BAZ2B: variants seen among roughly 807,000 people sequenced by gnomAD.
BAZ2B encodes bromodomain adjacent to zinc finger domain 2B, also known as bromodomain adjacent to zinc finger domain protein 2B.
Under a neutral mutation model 246.0 loss-of-function variants are expected in BAZ2B, and 91 were observed. The observed-to-expected ratio is 0.37, with a 90% CI of 0.31 to 0.44. The LOEUF is 0.44. Ranked by LOEUF, BAZ2B falls within the 20% of genes least tolerant of loss-of-function variation. The probability of loss-of-function intolerance (pLI) is 1.00; values close to 1 mark genes in which losing one functional copy is unlikely to be tolerated. For synonymous variants in BAZ2B, 855 were observed against 860.0 expected, an observed-to-expected ratio of 0.99 and a Z score of 0.10; for missense variants, 2,332 against 2,533.7, an observed-to-expected ratio of 0.92 and a Z score of 1.71.
the BAZ2B span, among the ~76,000 whole-genome samples, chr2:159,702,999 G>A: frequency 6.6e-6 from 1 of 151,952 alleles, no homozygotes; most frequent in African/African-American, 2.4e-5. Context: ...AGCCGAGATT[G>A]CACCACTGCA....
intron 25 of BAZ2B, 136 bp downstream of exon 25, chr2:159,382,419 ATTTG>A (rs1344626261): frequency 7.9e-6 from 7 of 889,528 alleles, no homozygotes; most frequent in Non-Finnish European, 1.2e-5. Flanking sequence ...AGATTGTAAT[ATTTG>A]TTTTTCAGAT....
chr2:159,661,993 A>T, the BAZ2B span, among the ~76,000 whole-genome samples: 46 of 152,274 alleles, frequency 3.0e-4, no homozygotes, highest in African/African-American at 9.9e-4. Context: ...TGAGACAGGT[A>T]TTCCCTTATT....
intron 2 of BAZ2B, among the ~76,000 whole-genome samples, chr2:159,498,196 A>G (rs937404152): frequency 1.3e-5 from 2 of 152,210 alleles, no homozygotes; most frequent in African/African-American, 4.8e-5. Flanking sequence ...CCTGCCAGGT[A>G]TTTTGTTCTT....
At chr2:159,554,613 A>G (rs1024425120) in intron 2 of BAZ2B, among the ~76,000 whole-genome samples, 2 of 152,026 alleles carry the variant, frequency 1.3e-5, no homozygotes, top group Non-Finnish European at 2.9e-5. Flanking sequence ...AAAAAAAAAG[A>G]TTGAACATAA....
the BAZ2B span, among the ~76,000 whole-genome samples, chr2:159,673,833 G>T: frequency 3.3e-5 from 5 of 151,632 alleles, no homozygotes; most frequent in Non-Finnish European, 5.9e-5. Flanking sequence ...ACATATTTTC[G>T]CACACACACA....
chr2:159,615,823 G>C (rs1267430483), intron 1 of BAZ2B: 1 of 152,412 alleles, frequency 6.6e-6, no homozygotes, highest in Non-Finnish European at 1.5e-5. Context: ...CAGGGCGGCC[G>C]GCACAAAGGC....
At chr2:159,348,862 T>C (rs1173951101) in intron 29 of BAZ2B, 29 bp from the exon 30 acceptor site, 1 of 1,574,768 alleles carries the variant, frequency 6.4e-7, no homozygotes, top group Non-Finnish European at 8.6e-7. Context: ...GTAGAACTTT[T>C]ACAAATATTT....
intron 12 of BAZ2B, 120 bp from the exon 13 acceptor site, chr2:159,428,162 G>A (rs1020261756): frequency 4.5e-6 from 5 of 1,110,566 alleles, no homozygotes; most frequent in African/African-American, 3.1e-5. Flanking sequence ...TAAATTTATA[G>A]GAGATCAATT....
intron 3 of BAZ2B, among the ~76,000 whole-genome samples, chr2:159,454,566 G>C (rs2075496038): frequency 6.6e-6 from 1 of 152,148 alleles, no homozygotes; most frequent in African/African-American, 2.4e-5. Flanking sequence ...GAAAGGTACA[G>C]TAAAAATATG....
intron 21 of BAZ2B, among the ~76,000 whole-genome samples, chr2:159,388,262 T>C (rs1021067030): frequency 1.3e-5 from 2 of 152,166 alleles, no homozygotes; most frequent in Non-Finnish European, 1.5e-5. Context: ...AAATGCATTA[T>C]TGATATTTTT....
At chr2:159,645,534 G>A in the BAZ2B span, among the ~76,000 whole-genome samples, 1 of 152,152 alleles carries the variant, frequency 6.6e-6, no homozygotes, top group East Asian at 1.9e-4. Context: ...ACATTCCTCT[G>A]AGAATCTAAT....
At chr2:159,555,069 G>T (rs12479349) in intron 2 of BAZ2B, among the ~76,000 whole-genome samples, 48,485 of 138,642 alleles carry the variant, frequency 0.35, 12,439 homozygotes, top group Admixed American at 0.5. Context: ...GTATGTGGGG[G>T]GTGTGTGTGT....
Position 159,411,317 on chromosome 2 carries a change from T to C in BAZ2B, c.2677+1018A>G, listed in dbSNP as rs571390314. Among the ~76,000 whole-genome samples the C allele has an allele frequency of 3.9e-5, 6 of 152,314 alleles. 1 individual carries two copies. In the South Asian group the frequency reaches 1.0e-3, roughly 26 times the overall value. On this transcript the variant is annotated intron_variant, in intron 14 of 36. Transcript: ENST00000392783. Reference sequence around the variant, plus strand: ...AAGATTACATGTGTCTTTAAAGCATTCTATTCTATGAGTTTTGTCATAGAT... The same window carrying C: ...AAGATTACATGTGTCTTTAAAGCATCCTATTCTATGAGTTTTGTCATAGAT...
At chr2:159,357,657 C>G (rs933868763) in intron 27 of BAZ2B, among the ~76,000 whole-genome samples, 13 of 152,048 alleles carry the variant, frequency 8.5e-5, no homozygotes, top group African/African-American at 3.1e-4. Flanking sequence ...CCAAGACACA[C>G]AATCGTCAGA....
At chr2:159,583,112 C>CTTTTTTTT (rs11296306) in intron 1 of BAZ2B, among the ~76,000 whole-genome samples, 1 of 137,586 alleles carries the variant, frequency 7.3e-6, no homozygotes. Flanking sequence ...TTTTTCTTTT[C>CTTTTTTTT]TTTTTTTTTT....
chr2:159,502,332 T>TAA lies in BAZ2B; in HGVS notation c.-2-23613_-2-23612dup, dbSNP rs35264021. Among the ~76,000 whole-genome samples the TAA allele has an allele frequency of 1.6e-4, 24 of 149,944 alleles. No individual in the cohort carries two copies. In the South Asian group the frequency reaches 1.7e-3, roughly 11 times the overall value. ...ATGAATTATATCTCCATAAAGCTGT[T>TAA]AAAAAAAAAAAGGCTGGCAAGGTAA... On this transcript the variant is annotated intron_variant, in intron 2 of 36. Transcript: ENST00000392783.
chr2:159,489,319 A>G (rs1452600251), intron 2 of BAZ2B, among the ~76,000 whole-genome samples: 1 of 152,212 alleles, frequency 6.6e-6, no homozygotes, highest in Non-Finnish European at 1.5e-5. Context: ...TGATAAAAAA[A>G]AAGAGCCAAT....
In BAZ2B at chr2:159,439,130, A is replaced by T. The variant is rs2072931240; in HGVS notation, c.779T>A (p.Ile260Asn). 1 of 1,613,816 alleles carries T rather than the reference A, an allele frequency of 6.2e-7. No homozygotes were observed. Among genetic ancestry groups the T allele is most frequent in the South Asian group, 1.1e-5 (1 of 91,080 alleles). The change falls in exon 7 of 37, where the codon ATT becomes AAT. Residue 260 changes from isoleucine to asparagine, a missense_variant. Ile to Asn is a moderately radical substitution (Grantham distance 149). Transcript: ENST00000392783. ...TAGATCATCTGAATCACTGCTACTA[A>T]TGCCTTCACTTGAGGTGTCTGATGA... ...GTSSDTSSEG[I>N]SSSDSDDLEE... is the part of the protein sequence containing the mutation.
At chr2:159,318,036 C>A (rs2062294727), downstream of BAZ2B, among the ~76,000 whole-genome samples, 1 of 152,132 alleles carries the variant, frequency 6.6e-6, no homozygotes, top group African/African-American at 2.4e-5. Context: ...TTATCACTCT[C>A]AAAAATTTTG....
Sources: allele counts gnomAD v4.1 joint callset (sites outside exome capture counted in the v4.1 genomes callset), GRCh38; gene constraint gnomAD v4.1.1; transcripts MANE v1.5; gene names NCBI Gene and HGNC (gene_info 2026-07-23, HGNC 2026-07-21).